PCDHGB6: variants seen among roughly 807,000 people sequenced by gnomAD.
PCDHGB6 encodes the protein protocadherin gamma-B6.
In PCDHGB6, 51 loss-of-function variants were observed where a neutral mutation model predicts 59.1. That is an observed-to-expected ratio of 0.86 (90% confidence interval 0.69 to 1.09). PCDHGB6 has a LOEUF of 1.09. Ranked by LOEUF, PCDHGB6 falls within the 50% of genes least tolerant of loss-of-function variation. The pLI is 0.00. For synonymous variants in PCDHGB6, 466 were observed against 495.1 expected, an observed-to-expected ratio of 0.94 and a Z score of 0.78; for missense variants, 1,148 against 1,205.1, an observed-to-expected ratio of 0.95 and a Z score of 0.70.
At chr5:141,411,161 A>G (rs2095470005) in intron 1 of PCDHGB6, 1 of 152,284 alleles carries the variant, frequency 6.6e-6, no homozygotes, top group Non-Finnish European at 1.5e-5. Context: ...AGTTCTGACT[A>G]TCGAACAGAA....
chr5:141,422,222 C>A (rs1453283842), intron 1 of PCDHGB6: 2 of 1,564,972 alleles, frequency 1.3e-6, no homozygotes, highest in South Asian at 1.2e-5. Flanking sequence ...TTTACCACCA[C>A]GACGATGTTG....
At chr5:141,437,188 G>T (rs1303844523) in intron 1 of PCDHGB6, among the ~76,000 whole-genome samples, 1 of 152,146 alleles carries the variant, frequency 6.6e-6, no homozygotes, top group Non-Finnish European at 1.5e-5. Context: ...CTGGGCAATG[G>T]GTTTGGATGT....
chr5:141,489,165 G>T lies in PCDHGB6; in HGVS notation c.2419-5642G>T. ...GAAGGAGACATAAGAGACTTCAGCT[G>T]CTGCATTCCAAGCCCTGGGTCTACC... On this transcript the variant is annotated intron_variant, in intron 1 of 3. Coordinates refer to ENST00000520790, the MANE Select transcript of PCDHGB6 (RefSeq NM_018926.3). This position sits in a 1 kb window ranked among gnomAD's most constrained non-coding sequence, Gnocchi z 4.5. 9.2e-7 allele frequency: 1 copy of T among 1,082,084 alleles called. No homozygotes were observed. Among genetic ancestry groups the T allele is most frequent in the Non-Finnish European group, 1.3e-6 (1 of 745,856 alleles). 67.0% of individuals were successfully genotyped at this position (1,082,084 alleles called of 1,614,324 possible).
At position 141,491,093 on chromosome 5, in the gene PCDHGB6, T is replaced by G; in HGVS notation, c.2419-3714T>G. The G allele has an allele frequency of 6.2e-7, 1 of 1,614,160 alleles. No individual in the cohort carries two copies. The highest frequency in any genetic ancestry group is 8.5e-7 in the Non-Finnish European group (1 of 1,180,008). On this transcript the variant is annotated intron_variant, in intron 1 of 3. Transcript: ENST00000520790. This position sits in a 1 kb window ranked among gnomAD's most constrained non-coding sequence, Gnocchi z 6.9. ...TTGCCACAGTCCACAGCCCCAGGAC[T>G]GTTCCTCGTGTCTACACACACTGGT... is the stretch of plus-strand genomic sequence containing the variant.
chr5:141,469,880 C>T (rs774827232), intron 1 of PCDHGB6, among the ~76,000 whole-genome samples: 7 of 152,210 alleles, frequency 4.6e-5, no homozygotes, highest in East Asian at 1.9e-4. Flanking sequence ...CCTGTAATCT[C>T]GGCACTTTGG....
chr5:141,450,569 T>G (rs1325535745), intron 1 of PCDHGB6, among the ~76,000 whole-genome samples: 1 of 149,800 alleles, frequency 6.7e-6, no homozygotes, highest in African/African-American at 2.5e-5. Flanking sequence ...TCACTGCAAC[T>G]TCTGCCTCCC....
rs1444532577 is a variant in PCDHGB6 at position 141,410,442 on chromosome 5, C to T, written c.2240C>T (p.Thr747Ile). The T allele has an allele frequency of 6.2e-7, 1 of 1,613,942 alleles. No individual in the cohort carries two copies. Among genetic ancestry groups the T allele is most frequent in the East Asian group, 2.2e-5 (1 of 44,892 alleles). ...PVVPPNYSEG[T>I]LPYSYNLCIA... Reference sequence around the variant, plus strand: ...GTTCCCCCCAACTACAGTGAGGGGACTTTGCCTTATTCTTATAATCTGTGC... The same window carrying T: ...GTTCCCCCCAACTACAGTGAGGGGATTTTGCCTTATTCTTATAATCTGTGC... The change falls in exon 1 of 4, where the codon ACT becomes ATT. Residue 747 changes from threonine (T) to isoleucine (I), a missense_variant. Physicochemically the swap from Thr to Ile is moderately conservative, Grantham distance 89. Coordinates refer to ENST00000520790, the MANE Select transcript of PCDHGB6 (RefSeq NM_018926.3).
At chr5:141,421,721 T>G in intron 1 of PCDHGB6, 1 of 1,613,940 alleles carries the variant, frequency 6.2e-7, no homozygotes, top group Non-Finnish European at 8.5e-7. Flanking sequence ...GATGTGGGCG[T>G]GAACTCCCTC....
chr5:141,472,486 G>A (rs1300618918), intron 1 of PCDHGB6, among the ~76,000 whole-genome samples: 1 of 152,050 alleles, frequency 6.6e-6, no homozygotes, highest in Non-Finnish European at 1.5e-5. Flanking sequence ...CTTGCAGTGA[G>A]ACGAGATCGT....
At chr5:141,502,441 GAT>G (rs2099814262) in intron 2 of PCDHGB6, among the ~76,000 whole-genome samples, 1 of 152,000 alleles carries the variant, frequency 6.6e-6, no homozygotes, top group Non-Finnish European at 1.5e-5. Flanking sequence ...GTTAGATTCA[GAT>G]TACACACCTT....
Position 141,476,263 on chromosome 5 carries a change from C to G in PCDHGB6, c.2419-18544C>G. 13 of 1,613,940 alleles carry G rather than the reference C, an allele frequency of 8.1e-6. No individual in the cohort carries two copies. Among genetic ancestry groups the G allele is most frequent in the Non-Finnish European group, 1.1e-5 (13 of 1,180,010 alleles). On this transcript the variant is annotated intron_variant, in intron 1 of 3. Transcript: ENST00000520790. This position sits in a 1 kb window ranked among gnomAD's most constrained non-coding sequence, Gnocchi z 7.6. ...GAGAGAAGGGTTTCGCTGTGGGCAA[C>G]GTGGTCGCGAACCTTGGTTTGGATC...
intron 2 of PCDHGB6, among the ~76,000 whole-genome samples, chr5:141,501,838 G>A (rs888418141): frequency 6.6e-6 from 1 of 152,000 alleles, no homozygotes; most frequent in African/African-American, 2.4e-5. Flanking sequence ...CACCTGTTTG[G>A]CCCTCAACCT....
intron 3 of PCDHGB6, among the ~76,000 whole-genome samples, chr5:141,509,504 C>T (rs534951697): frequency 4.7e-4 from 72 of 152,246 alleles, no homozygotes; most frequent in Non-Finnish European, 8.4e-4. Flanking sequence ...CTGGATGTGA[C>T]GGTGTTGATG....
Position 141,487,356 on chromosome 5 carries a change from C to A in PCDHGB6, c.2419-7451C>A. On this transcript the variant is annotated intron_variant, in intron 1 of 3. Coordinates refer to ENST00000520790, the MANE Select transcript of PCDHGB6 (RefSeq NM_018926.3). The surrounding 1 kb of genome is among the most constrained non-coding windows in gnomAD (Gnocchi z 5.0). ...GCCTGTGGAGTCACATGCTTTCCTG[C>A]TGGCACCTGTGCCTGTCTCACCAGA... 1 of 1,614,220 alleles carries A rather than the reference C, an allele frequency of 6.2e-7. No individual in the cohort carries two copies. The highest frequency in any genetic ancestry group is 8.5e-7 in the Non-Finnish European group (1 of 1,180,042).
intron 1 of PCDHGB6, among the ~76,000 whole-genome samples, chr5:141,442,917 G>A (rs1041756930): frequency 6.6e-6 from 1 of 152,178 alleles, no homozygotes; most frequent in Non-Finnish European, 1.5e-5. Context: ...GCACACAACT[G>A]TTTCATTTTC....
At position 141,491,111 on chromosome 5, in the gene PCDHGB6, A is replaced by G; in HGVS notation, c.2419-3696A>G. 1 of 1,614,162 alleles carries G rather than the reference A, an allele frequency of 6.2e-7. No individual in the cohort carries two copies. Among genetic ancestry groups the G allele is most frequent in the Non-Finnish European group, 8.5e-7 (1 of 1,180,026 alleles). Reference sequence around the variant, plus strand: ...CCAGGACTGTTCCTCGTGTCTACACACACTGGTGAGGTGCGCACAGCCCGG... The same window carrying G: ...CCAGGACTGTTCCTCGTGTCTACACGCACTGGTGAGGTGCGCACAGCCCGG... On this transcript the variant is annotated intron_variant, in intron 1 of 3. Transcript: ENST00000520790. This position sits in a 1 kb window ranked among gnomAD's most constrained non-coding sequence, Gnocchi z 6.9.
intron 1 of PCDHGB6, among the ~76,000 whole-genome samples, chr5:141,430,388 A>G (rs2097280501): frequency 6.6e-6 from 1 of 152,106 alleles, no homozygotes; most frequent in Non-Finnish European, 1.5e-5. Flanking sequence ...ATTGGGAAAA[A>G]AAAAAAAAGC....
intron 1 of PCDHGB6, chr5:141,411,753 A>G (rs1006054735): frequency 6.5e-5 from 10 of 152,756 alleles, no homozygotes; most frequent in African/African-American, 2.4e-4. Context: ...GTGGTGGCAC[A>G]TGCCTGTGGT....
chr5:141,509,900 C>T (rs2099878860), intron 3 of PCDHGB6, among the ~76,000 whole-genome samples: 1 of 152,186 alleles, frequency 6.6e-6, no homozygotes, highest in Admixed American at 6.5e-5. Context: ...CTGTCCCTTC[C>T]AGCATGCGCT....
Sources: allele counts gnomAD v4.1 joint callset (sites outside exome capture counted in the v4.1 genomes callset), GRCh38; gene constraint gnomAD v4.1.1; non-coding constraint Gnocchi (gnomAD v3.1); transcripts MANE v1.5; gene names NCBI Gene and HGNC (gene_info 2026-07-23, HGNC 2026-07-21).